The following ZNF791 variants were observed in gnomAD, a reference collection of about 807,000 sequenced individuals.
ZNF791 encodes the protein zinc finger protein 791.
A neutral mutation model predicts 11.5 loss-of-function variants in ZNF791; 4 were observed. The observed-to-expected ratio is 0.35, with a 90% CI of 0.17 to 0.80. The LOEUF is 0.80. Ranked by LOEUF, ZNF791 falls within the 30% of genes least tolerant of loss-of-function variation. The probability of loss-of-function intolerance (pLI) is 0.53; values close to 1 mark genes in which losing one functional copy is unlikely to be tolerated. For missense variants in ZNF791, 559 were observed against 699.4 expected, an observed-to-expected ratio of 0.80 and a Z score of 2.26; for synonymous variants, 212 against 228.1, an observed-to-expected ratio of 0.93 and a Z score of 0.64.
chr19:12,622,754 CGTG>C (rs1014085676), intron 1 of ZNF791, among the ~76,000 whole-genome samples: 1 of 151,928 alleles, frequency 6.6e-6, no homozygotes, highest in Non-Finnish European at 1.5e-5. Context: ...ATTAGCTGGG[CGTG>C]GTGGCACGCG....
At chr19:12,622,383 A>AAAT in intron 1 of ZNF791, among the ~76,000 whole-genome samples, 1 of 131,790 alleles carries the variant, frequency 7.6e-6, no homozygotes, top group African/African-American at 3.0e-5. Flanking sequence ...ATAAATAAAA[A>AAAT]AAATAATAAA....
chr19:12,615,813 A>T (rs986979953), intron 1 of ZNF791, among the ~76,000 whole-genome samples: 1 of 151,860 alleles, frequency 6.6e-6, no homozygotes, highest in Non-Finnish European at 1.5e-5. Flanking sequence ...TGTACCACAG[A>T]TTGTTTATCC....
rs1349186342 is a variant in ZNF791 at position 12,623,686 on chromosome 19, A to T, written c.4-14A>T. 1 of 1,613,914 alleles carries T rather than the reference A, an allele frequency of 6.2e-7. No homozygotes were observed. Among genetic ancestry groups the T allele is most frequent in the South Asian group, 1.1e-5 (1 of 91,036 alleles). On this transcript the variant is annotated splice_polypyrimidine_tract_variant and intron_variant, in intron 1 of 3. Transcript: ENST00000343325. Reference sequence around the variant, plus strand: ...TCAATCTCACCTATTCTCTACTTATATTGGATGTTTCAGGACTCAGTGGCT... The same window carrying T: ...TCAATCTCACCTATTCTCTACTTATTTTGGATGTTTCAGGACTCAGTGGCT...
At chr19:12,613,753 C>G (rs1364007556) in intron 1 of ZNF791, among the ~76,000 whole-genome samples, 1 of 152,064 alleles carries the variant, frequency 6.6e-6, no homozygotes, top group Non-Finnish European at 1.5e-5. Flanking sequence ...GGGAGCCTCC[C>G]CTACAGGTCT....
In ZNF791 at chr19:12,623,839, TCA is replaced by T; in HGVS notation, c.130+14_130+15del. On this transcript the variant is annotated intron_variant, in intron 2 of 3. Coordinates refer to ENST00000343325, the MANE Select transcript of ZNF791 (RefSeq NM_153358.3). ...CTGGCATCTATAGGTAAGGATGACA[TCA>T]TTTTTTCTTTTTTCTTTTTTTTTTT... 6.4e-6 allele frequency: 7 copies of T among 1,096,836 alleles called. No homozygotes were observed. Among genetic ancestry groups the T allele is most frequent in the South Asian group, 1.4e-5 (1 of 71,798 alleles). The allele number at this position is 1,096,836 out of a possible 1,614,324, so 67.9% of individuals were successfully genotyped here. A position where few individuals can be genotyped will look rare whatever the true frequency, so the allele number is the denominator to read the frequency against.
At chr19:12,620,791 C>G (rs184339960) in intron 1 of ZNF791, among the ~76,000 whole-genome samples, 2 of 119,868 alleles carry the variant, frequency 1.7e-5, no homozygotes, top group African/African-American at 7.5e-5. Flanking sequence ...GATAGAGTCT[C>G]GCTCTGTTGC....
chr19:12,623,484 C>G (rs1301320222), intron 1 of ZNF791: 1 of 529,446 alleles, frequency 1.9e-6, no homozygotes, highest in Non-Finnish European at 3.3e-6. Flanking sequence ...CTAAGTTGAA[C>G]TAGATACTAC....
At chr19:12,623,450 T>C in intron 1 of ZNF791, 1 of 450,904 alleles carries the variant, frequency 2.2e-6, no homozygotes, top group South Asian at 3.6e-5. Context: ...TTTGTCTCAT[T>C]TGTGTAGGAT....
In ZNF791 at chr19:12,629,415, A is replaced by G. The variant is rs1568291448; in HGVS notation, c.*155A>G. ...TTCATGTATAGTCAGGTACCACATA[A>G]TCATGTTTCAGTCAGCAATGGACCA... On this transcript the variant is annotated 3_prime_UTR_variant, in exon 4 of 4. Coordinates refer to ENST00000343325, the MANE Select transcript of ZNF791 (RefSeq NM_153358.3). The G allele has an allele frequency of 7.1e-6, 4 of 561,234 alleles. No individual in the cohort carries two copies. The highest frequency in any genetic ancestry group is 3.1e-5 in the East Asian group (1 of 31,886). The allele number at this position is 561,234 out of a possible 1,614,324, so 34.8% of individuals were successfully genotyped here.
chr19:12,614,452 G>A (rs2023209071), intron 1 of ZNF791, among the ~76,000 whole-genome samples: 1 of 152,038 alleles, frequency 6.6e-6, no homozygotes, highest in Admixed American at 6.6e-5. Flanking sequence ...GACCAGGCTG[G>A]TCTCAAATTC....
intron 3 of ZNF791, among the ~76,000 whole-genome samples, chr19:12,625,213 C>T (rs369270607): frequency 2.6e-5 from 4 of 151,326 alleles, no homozygotes; most frequent in South Asian, 2.1e-4. Flanking sequence ...CTCCACCTCC[C>T]GGGATCAAGT....
At chr19:12,611,933 A>G (rs2023163782) in intron 1 of ZNF791, among the ~76,000 whole-genome samples, 1 of 152,238 alleles carries the variant, frequency 6.6e-6, no homozygotes, top group African/African-American at 2.4e-5. Flanking sequence ...ATATGTTATC[A>G]GAAGAACTTG....
At position 12,627,996 on chromosome 19, in the gene ZNF791, G is replaced by A. The variant is rs748131094; in HGVS notation, c.467G>A (p.Gly156Glu). Reference protein sequence around the residue: ...SFQRHERSHTGEKPYKCKQCG... With the variant: ...SFQRHERSHTEEKPYKCKQCG... ...CAAAGACATGAAAGGAGTCACACTG[G>A]AGAAAAACCCTATAAATGTAAACAA... Residue 156 changes from glycine (G) to glutamate (E), a missense_variant, in exon 4 of 4, where the codon GGA becomes GAA. Gly to Glu is a moderately conservative substitution (Grantham distance 98). Coordinates refer to ENST00000343325, the MANE Select transcript of ZNF791 (RefSeq NM_153358.3). 4 of 1,613,828 alleles carry A rather than the reference G, an allele frequency of 2.5e-6. No individual in the cohort carries two copies. Among genetic ancestry groups the A allele is most frequent in the Non-Finnish European group, 3.4e-6 (4 of 1,179,906 alleles).
chr19:12,625,782 C>A (rs1336558922), intron 3 of ZNF791, among the ~76,000 whole-genome samples: 6 of 136,618 alleles, frequency 4.4e-5, no homozygotes, highest in Non-Finnish European at 6.3e-5. Flanking sequence ...GAGACTCCAT[C>A]TCAAAAAAAA....
chr19:12,628,940 A>C lies in ZNF791; in HGVS notation c.1411A>C (p.Lys471Gln). 6.2e-7 allele frequency: 1 copy of C among 1,613,988 alleles called. No individual in the cohort carries two copies. Among genetic ancestry groups the C allele is most frequent in the South Asian group, 1.1e-5 (1 of 91,002 alleles). ...THTGEKPYECKQCGKAFSCSS... is the reference protein window; with the variant it reads ...THTGEKPYECQQCGKAFSCSS... The stretch of plus-strand genomic sequence containing the variant: ...CACTGGAGAGAAACCCTATGAATGT[A>C]AACAATGTGGAAAAGCCTTTAGTTG... Residue 471 changes from lysine to glutamine, a missense_variant, in exon 4 of 4, where the codon AAA becomes CAA. Coordinates refer to ENST00000343325, the MANE Select transcript of ZNF791 (RefSeq NM_153358.3).
At chr19:12,617,881 C>T (rs2023269676) in intron 1 of ZNF791, among the ~76,000 whole-genome samples, 1 of 140,504 alleles carries the variant, frequency 7.1e-6, no homozygotes, top group African/African-American at 2.6e-5. Context: ...GCTGGAACTA[C>T]AGGTGCGTGC....
At chr19:12,614,926 T>C (rs1186337286) in intron 1 of ZNF791, among the ~76,000 whole-genome samples, 1 of 135,252 alleles carries the variant, frequency 7.4e-6, no homozygotes, top group Non-Finnish European at 1.6e-5. Flanking sequence ...TTTTTTTTTT[T>C]TGATACAGCG....
At position 12,623,755 on chromosome 19, in the gene ZNF791, T is replaced by C. The variant is rs2023385819; in HGVS notation, c.59T>C (p.Leu20Pro). 1 of 1,613,692 alleles carries C rather than the reference T, an allele frequency of 6.2e-7. No homozygotes were observed. The highest frequency in any genetic ancestry group is 1.7e-5 in the Admixed American group (1 of 59,936). ...AGCTTCAGCCAGGAGGAGTGGGCTC[T>C]GCTGGCTCCTTCACAGAAGAAACTC... ...SVSFSQEEWA[L>P]LAPSQKKLYR... is the part of the protein sequence containing the mutation. The change falls in exon 2 of 4, where the codon CTG (leucine) becomes CCG (proline). Residue 20 changes from leucine (L) to proline (P), a missense_variant. Coordinates refer to ENST00000343325, the MANE Select transcript of ZNF791 (RefSeq NM_153358.3).
chr19:12,619,442 A>C (rs944304860), intron 1 of ZNF791, among the ~76,000 whole-genome samples: 5 of 130,638 alleles, frequency 3.8e-5, no homozygotes, highest in African/African-American at 1.5e-4. Context: ...CACTAATGTT[A>C]TCTTTTTTTT....
Sources: gnomAD v4.1 joint callset for allele counts (sites outside exome capture counted in the v4.1 genomes callset) on GRCh38, gnomAD v4.1.1 for gene constraint, MANE v1.5 for transcripts, NCBI Gene and HGNC (gene_info 2026-07-23, HGNC 2026-07-21) for gene names.